Variants in ZNF585B observed in about 807,000 individuals in gnomAD.
The protein encoded by ZNF585B is zinc finger protein 41-like protein.
A neutral mutation model predicts 14.0 loss-of-function variants in ZNF585B; 7 were observed. That is an observed-to-expected ratio of 0.50 (90% CI 0.28 to 0.94). The LOEUF (loss-of-function observed/expected upper bound fraction) is 0.94, where lower values mean the gene tolerates loss of function less well. Ranked by LOEUF, ZNF585B falls within the 40% of genes least tolerant of loss-of-function variation. The probability of loss-of-function intolerance (pLI) is 0.09; values close to 1 mark genes in which losing one functional copy is unlikely to be tolerated. For missense variants in ZNF585B, 750 were observed against 924.4 expected (o/e 0.81, Z 2.45); for synonymous variants, 290 against 317.3 (o/e 0.91, Z 0.91).
rs1368470591 is a variant in ZNF585B, at chr19:37,184,363, A to G, written c.*864T>C. ...GCAAGACTCTGTCTCAAAAAAAGAA[A>G]GAAAGAAAGAAAGAAAGAAAGAAAG... On this transcript the variant is annotated 3_prime_UTR_variant, in exon 5 of 5. Coordinates refer to ENST00000532828, the MANE Select transcript of ZNF585B (RefSeq NM_152279.4). The G allele has an allele frequency of 3.8e-5, 1 of 26,500 alleles. No homozygotes were observed. Among genetic ancestry groups the G allele is most frequent in the Non-Finnish European group, 6.3e-5 (1 of 15,852 alleles). 1.6% of individuals were successfully genotyped at this position (26,500 alleles called of 1,614,324 possible).
At chr19:37,192,806 T>A (rs1445456993) in intron 2 of ZNF585B, among the ~76,000 whole-genome samples, 1 of 150,326 alleles carries the variant, frequency 6.7e-6, no homozygotes, top group Non-Finnish European at 1.5e-5. Flanking sequence ...TGAGACTCCA[T>A]CTCAAAAATA....
At chr19:37,204,058 T>C (rs544243508) in intron 2 of ZNF585B, among the ~76,000 whole-genome samples, 1 of 152,238 alleles carries the variant, frequency 6.6e-6, no homozygotes, top group Non-Finnish European at 1.5e-5. Flanking sequence ...AAATGGCCAA[T>C]ATTGCATTTA....
chr19:37,195,475 G>A (rs1972455865), intron 2 of ZNF585B, among the ~76,000 whole-genome samples: 1 of 150,468 alleles, frequency 6.6e-6, no homozygotes, highest in African/African-American at 2.4e-5. Context: ...TGGCCTGTTA[G>A]TCAACTAGAC....
Position 37,185,772 on chromosome 19 carries a change from G to A in ZNF585B, c.1765C>T (p.Arg589Cys), listed in dbSNP as rs144514709. The change falls in exon 5 of 5, where the codon CGC becomes TGC. Residue 589 changes from arginine (R) to cysteine (C), a missense_variant. By Grantham distance (180) the Arg-to-Cys change is radical. Around this residue, in one of 2 missense-constraint regions of ZNF585B, gnomAD observed 233 missense variants for 354.1 expected, o/e 0.66. Coordinates refer to ENST00000532828, the MANE Select transcript of ZNF585B (RefSeq NM_152279.4). ...TGATGAGTAATAAAGTTTGACTTGC[G>A]GATGAAAGCTCTTCCACACTCAGTG... ...VCTECGRAFIRKSNFITHQRI... is the reference protein window; with the variant it reads ...VCTECGRAFICKSNFITHQRI... 317 of 1,592,974 alleles carry A rather than the reference G, an allele frequency of 2.0e-4. 1 individual carries two copies. The highest frequency in any genetic ancestry group is 2.8e-4 in the Admixed American group (16 of 57,112).
chr19:37,190,582 TGAGATG>T (rs1160437929), intron 2 of ZNF585B: 1 of 160,196 alleles, frequency 6.2e-6, no homozygotes, highest in East Asian at 1.8e-4. Flanking sequence ...TTTTTTTCCT[TGAGATG>T]GAATTTCACT....
chr19:37,200,877 G>A (rs1451731233), intron 2 of ZNF585B, among the ~76,000 whole-genome samples: 1 of 151,840 alleles, frequency 6.6e-6, no homozygotes, highest in Non-Finnish European at 1.5e-5. Context: ...GATCACCTGA[G>A]GTCAGGAGTT....
chr19:37,208,121 C>T (rs554201999), intron 1 of ZNF585B, among the ~76,000 whole-genome samples: 6 of 152,090 alleles, frequency 3.9e-5, no homozygotes, highest in Non-Finnish European at 8.8e-5. Flanking sequence ...TACAGGCATG[C>T]GACACCACGC....
At chr19:37,199,861 T>C (rs1195768649) in intron 2 of ZNF585B, among the ~76,000 whole-genome samples, 1 of 151,448 alleles carries the variant, frequency 6.6e-6, no homozygotes, top group Non-Finnish European at 1.5e-5. Context: ...CTCACCAACA[T>C]GGACAAACCC....
At chr19:37,189,163 C>G in intron 4 of ZNF585B, among the ~76,000 whole-genome samples, 1 of 152,088 alleles carries the variant, frequency 6.6e-6, no homozygotes, top group East Asian at 1.9e-4. Context: ...GTTTCAAACT[C>G]CTGACCTCAA....
chr19:37,194,692 C>T (rs139548965), intron 2 of ZNF585B, among the ~76,000 whole-genome samples: 3 of 152,196 alleles, frequency 2.0e-5, no homozygotes, highest in Non-Finnish European at 2.9e-5. Flanking sequence ...AAATACTAGA[C>T]AGGAAATCAT....
At chr19:37,209,376 T>A (rs1163694137) in intron 1 of ZNF585B, among the ~76,000 whole-genome samples, 1 of 152,136 alleles carries the variant, frequency 6.6e-6, no homozygotes, top group Non-Finnish European at 1.5e-5. Flanking sequence ...GTGCTGGGAT[T>A]ACAGGCGTGA....
At chr19:37,200,087 A>G (rs1972514874) in intron 2 of ZNF585B, among the ~76,000 whole-genome samples, 1 of 150,504 alleles carries the variant, frequency 6.6e-6, no homozygotes, top group South Asian at 2.1e-4. Flanking sequence ...AAAATAAAAT[A>G]AAATAAAATA....
At chr19:37,203,007 A>G (rs144302680) in intron 2 of ZNF585B, among the ~76,000 whole-genome samples, 4 of 152,228 alleles carry the variant, frequency 2.6e-5, no homozygotes, top group Non-Finnish European at 4.4e-5. Flanking sequence ...AGAAGTAACT[A>G]TTACTCCTGT....
rs1425607507 is a variant in ZNF585B, at chr19:37,189,750, T to C, written c.203A>G (p.Tyr68Cys). The change falls in exon 4 of 5, where the codon TAT becomes TGT. Residue 68 changes from tyrosine to cysteine, a missense_variant. By Grantham distance (194) the Tyr-to-Cys change is radical (BLOSUM62 -2). Around this residue, in one of 2 missense-constraint regions of ZNF585B, gnomAD observed 517 missense variants for 570.3 expected, o/e 0.91. Transcript: ENST00000532828. Reference protein sequence around the residue: ...ETYSHLLSVGYQVPKPEVVML... With the variant: ...ETYSHLLSVGCQVPKPEVVML... ...GACCACCTCTGGTTTAGGAACTTGATACCCTGTTCATGGGAAATGATAAAG... is the reference window on the plus strand; with the variant it reads ...GACCACCTCTGGTTTAGGAACTTGACACCCTGTTCATGGGAAATGATAAAG... The C allele has an allele frequency of 1.2e-6, 2 of 1,614,158 alleles. No homozygotes were observed. The highest frequency in any genetic ancestry group is 1.7e-6 in the Non-Finnish European group (2 of 1,180,012).
chr19:37,199,379 G>A (rs182329146), intron 2 of ZNF585B: 95 of 374,208 alleles, frequency 2.5e-4, no homozygotes, highest in African/African-American at 1.8e-3. Context: ...ACAAAATTTC[G>A]CCAGTTCTAT....
chr19:37,209,694 A>T (rs1382687592), intron 1 of ZNF585B, among the ~76,000 whole-genome samples: 2 of 151,472 alleles, frequency 1.3e-5, no homozygotes, highest in Non-Finnish European at 2.9e-5. Context: ...CATCACCTAC[A>T]GACACTAATT....
chr19:37,188,202 C>G lies in ZNF585B; in HGVS notation c.293-958G>C, dbSNP rs796256107. ...AAAATAAAGCAATGACAAAAACAAA[C>G]AAGCCCGGGCATGGTGCCTCATACC... On this transcript the variant is annotated intron_variant, in intron 4 of 4. Coordinates refer to ENST00000532828, the MANE Select transcript of ZNF585B (RefSeq NM_152279.4). Among the ~76,000 whole-genome samples, 4 of 152,138 alleles carry G rather than the reference C, an allele frequency of 2.6e-5. No individual in the cohort carries two copies. In the East Asian group the frequency reaches 7.7e-4, roughly 29 times the overall value.
chr19:37,185,235 G>A lies in ZNF585B; in HGVS notation c.2302C>T (p.His768Tyr). 1 of 1,611,990 alleles carries A rather than the reference G, an allele frequency of 6.2e-7. No individual in the cohort carries two copies. The highest frequency in any genetic ancestry group is 8.5e-7 in the Non-Finnish European group (1 of 1,178,568). Residue 768 changes from histidine to tyrosine, a missense_variant, in exon 5 of 5, where the codon CAC (histidine) becomes TAC (tyrosine). This residue lies in a region of ZNF585B where 233 missense variants were observed against 354.1 expected (regional missense o/e 0.66). Transcript: ENST00000532828. ...TTCTCACACTGTTTCTCTCAAGCGT[G>A]GCTGCTCTGATGAACACTGAACACT... ...KSVFSVHQSSHA is the reference protein window; with the variant it reads ...KSVFSVHQSSYA
chr19:37,187,280 AT>A, intron 4 of ZNF585B, 36 bp from the exon 5 acceptor site: 1 of 1,443,276 alleles, frequency 6.9e-7, no homozygotes, highest in South Asian at 1.3e-5. Context: ...ATAGAAAGAC[AT>A]TTTACCATAG....
Sources: allele counts gnomAD v4.1 joint callset (sites outside exome capture counted in the v4.1 genomes callset), GRCh38; gene constraint gnomAD v4.1.1; regional missense constraint gnomAD v4.1.1; transcripts MANE v1.5; gene names NCBI Gene and HGNC (gene_info 2026-07-23, HGNC 2026-07-21).